BAG3: variants seen among roughly 807,000 people sequenced by gnomAD.
BAG3 encodes the protein BAG cochaperone 3.
A neutral mutation model predicts 40.5 loss-of-function variants in BAG3; 14 were observed. The observed-to-expected ratio is 0.35, with a 90% confidence interval of 0.23 to 0.54. The LOEUF (loss-of-function observed/expected upper bound fraction) is 0.54. Ranked by LOEUF, BAG3 falls within the 20% of genes least tolerant of loss-of-function variation. BAG3 has a pLI of 0.91. For missense variants in BAG3, 788 were observed against 758.6 expected (o/e 1.04, Z -0.46); for synonymous variants, 302 against 307.8 (o/e 0.98, Z 0.20).
intron 1 of BAG3, among the ~76,000 whole-genome samples, chr10:119,661,360 A>G (rs1846989750): frequency 6.6e-6 from 1 of 152,194 alleles, no homozygotes; most frequent in Non-Finnish European, 1.5e-5. Context: ...ACCTTATTTC[A>G]CTTAACTCTT....
chr10:119,668,328 G>A (rs1564772895), intron 1 of BAG3, among the ~76,000 whole-genome samples: 1 of 152,382 alleles, frequency 6.6e-6, no homozygotes, highest in East Asian at 1.9e-4. Context: ...AAAGTGCAGA[G>A]CAGCCCTCAG....
Position 119,658,522 on chromosome 10 carries a change from A to G in BAG3, c.180+6667A>G, listed in dbSNP as rs536196393. ...AGAGCACACTTGAACTGAATGTTCC[A>G]GGTCTGAGCCTCAGCCGAGCGTGGC... On this transcript the variant is annotated intron_variant, in intron 1 of 3. Coordinates refer to ENST00000369085, the MANE Select transcript of BAG3 (RefSeq NM_004281.4). Among the ~76,000 whole-genome samples, 3 of 152,324 alleles carry G rather than the reference A, an allele frequency of 2.0e-5. No individual in the cohort carries two copies. The South Asian group carries it at 6.2e-4, about 32-fold the overall frequency.
intron 1 of BAG3, among the ~76,000 whole-genome samples, chr10:119,665,658 G>A (rs1847054511): frequency 6.6e-6 from 1 of 152,176 alleles, no homozygotes; most frequent in Non-Finnish European, 1.5e-5. Context: ...ACATTAGAAT[G>A]TGGCATCAGC....
chr10:119,675,243 G>A (rs1847202858), intron 3 of BAG3, among the ~76,000 whole-genome samples: 1 of 151,904 alleles, frequency 6.6e-6, no homozygotes, highest in Admixed American at 6.6e-5. Flanking sequence ...TAAGGTGAGA[G>A]GATCACTTGA....
chr10:119,652,116 T>C (rs1046307004), intron 1 of BAG3, among the ~76,000 whole-genome samples: 14 of 152,164 alleles, frequency 9.2e-5, no homozygotes, highest in African/African-American at 2.9e-4. Context: ...CCGCAGTGGC[T>C]CCGGTGCCGT....
rs1355197430 is a variant in BAG3, at chr10:119,662,548, C to A, written c.181-7303C>A. 4.3e-4 allele frequency among the ~76,000 whole-genome samples: 65 copies of A among 152,140 alleles called. 2 individuals are homozygous for A. The highest frequency in any genetic ancestry group is 4.3e-3 in the Admixed American group (65 of 15,274). ...TGTTCACTTGACCCATGTGAAGGCT[C>A]TTCTGGCCTAAAAACCCAGTTAATA... On this transcript the variant is annotated intron_variant, in intron 1 of 3. Transcript: ENST00000369085.
chr10:119,652,759 A>T (rs771353152), intron 1 of BAG3, among the ~76,000 whole-genome samples: 7 of 152,234 alleles, frequency 4.6e-5, no homozygotes, highest in Admixed American at 2.0e-4. Context: ...TACTCTTGTG[A>T]ATACAGCAGA....
chr10:119,669,231 G>A (rs143583912), intron 1 of BAG3, among the ~76,000 whole-genome samples: 3 of 152,288 alleles, frequency 2.0e-5, no homozygotes, highest in African/African-American at 7.2e-5. Flanking sequence ...GCATCGTTAG[G>A]CGACACAGTT....
At chr10:119,663,384 C>G (rs1847018639) in intron 1 of BAG3, among the ~76,000 whole-genome samples, 1 of 152,114 alleles carries the variant, frequency 6.6e-6, no homozygotes, top group Admixed American at 6.5e-5. Context: ...ACTGCAACCT[C>G]TCACCCCTGG....
At chr10:119,673,777 C>G (rs576331767) in intron 3 of BAG3, among the ~76,000 whole-genome samples, 1 of 152,350 alleles carries the variant, frequency 6.6e-6, no homozygotes, top group African/African-American at 2.4e-5. Context: ...TATACTTCAT[C>G]CAGTTCACTG....
At chr10:119,675,761 T>TCCTTCCCTCCTTCCC (rs1847209635) in intron 3 of BAG3, among the ~76,000 whole-genome samples, 9 of 81,200 alleles carry the variant, frequency 1.1e-4, no homozygotes, top group African/African-American at 2.5e-4. Context: ...CTTTCCTTCC[T>TCCTTCCCTCCTTCCC]TCCTTCCCTC....
At chr10:119,661,680 C>T (rs1046498054) in intron 1 of BAG3, among the ~76,000 whole-genome samples, 5 of 151,884 alleles carry the variant, frequency 3.3e-5, no homozygotes, top group Non-Finnish European at 7.4e-5. Context: ...CCTCCAGTAG[C>T]CTGTGACTTA....
intron 1 of BAG3, among the ~76,000 whole-genome samples, chr10:119,658,747 C>A (rs1227388056): frequency 6.6e-6 from 1 of 152,132 alleles, no homozygotes; most frequent in South Asian, 2.1e-4. Context: ...AAGCACTTAC[C>A]CTTCTTGAGC....
In BAG3 at chr10:119,676,866, G is replaced by T. The variant is rs1031608025; in HGVS notation, c.1312G>T (p.Ala438Ser). ...GGAGAAGGTACAGGGGCTGGAGCAG[G>T]CTGTAGACAACTTTGAAGGCAAGAA... ...ILEKVQGLEQ[A>S]VDNFEGKKTD... Residue 438 changes from alanine (A) to serine (S), a missense_variant, in exon 4 of 4, where the codon GCT (alanine) becomes TCT (serine). Ala to Ser is a moderately conservative substitution (Grantham distance 99). Transcript: ENST00000369085. The T allele has an allele frequency of 5.0e-6, 8 of 1,614,056 alleles. No individual in the cohort carries two copies. Among genetic ancestry groups the T allele is most frequent in the Non-Finnish European group, 5.9e-6 (7 of 1,180,052 alleles).
intron 1 of BAG3, among the ~76,000 whole-genome samples, chr10:119,655,443 A>G (rs1043732249): frequency 6.6e-6 from 1 of 152,228 alleles, no homozygotes; most frequent in African/African-American, 2.4e-5. Flanking sequence ...ACATCCTTTC[A>G]GATAACACTG....
At chr10:119,658,137 A>T (rs1846938722) in intron 1 of BAG3, among the ~76,000 whole-genome samples, 2 of 152,272 alleles carry the variant, frequency 1.3e-5, no homozygotes, top group South Asian at 4.1e-4. Flanking sequence ...AAGTAGAATT[A>T]TATATTTTTT....
chr10:119,666,615 T>A (rs1847072375), intron 1 of BAG3, among the ~76,000 whole-genome samples: 1 of 152,260 alleles, frequency 6.6e-6, no homozygotes, highest in Non-Finnish European at 1.5e-5. Context: ...CATGAGGTGC[T>A]CAGCTCGTGG....
chr10:119,676,994 G>A lies in BAG3; in HGVS notation c.1440G>A (p.Arg480=), dbSNP rs1199766314. 1.9e-5 allele frequency: 30 copies of A among 1,614,196 alleles called. No individual in the cohort carries two copies. Among genetic ancestry groups the A allele is most frequent in the Non-Finnish European group, 2.5e-5 (29 of 1,180,036 alleles). ...GACGAGCCGATGTGCGTCAGGCCAG[G>A]AGAGACGGTGTCAGGAAGGTTCAGA... is the stretch of plus-strand genomic sequence containing the variant. ...PEGRADVRQA[R]RDGVRKVQTI... The change falls in exon 4 of 4, where the codon AGG becomes AGA. Residue 480 remains arginine, a synonymous_variant. Coordinates refer to ENST00000369085, the MANE Select transcript of BAG3 (RefSeq NM_004281.4).
chr10:119,660,132 C>T (rs940087385), intron 1 of BAG3, among the ~76,000 whole-genome samples: 33 of 152,302 alleles, frequency 2.2e-4, no homozygotes, highest in Admixed American at 1.5e-3. Flanking sequence ...GGCCTGGAGA[C>T]GGCTGACGTG....
Sources: gnomAD v4.1 joint callset for allele counts (sites outside exome capture counted in the v4.1 genomes callset) on GRCh38, gnomAD v4.1.1 for gene constraint, MANE v1.5 for transcripts, NCBI Gene and HGNC (gene_info 2026-07-23, HGNC 2026-07-21) for gene names.